The following SLC44A5 variants were observed in gnomAD, a reference collection of about 807,000 sequenced individuals.
SLC44A5 encodes the protein choline transporter-like protein 5.
SLC44A5 carries 57 observed loss-of-function variants against 101.8 expected under a neutral mutation model. That is an observed-to-expected ratio of 0.56 (90% CI 0.45 to 0.70). The LOEUF (loss-of-function observed/expected upper bound fraction) is 0.70, where lower values mean the gene tolerates loss of function less well. SLC44A5 is among the 30% of genes least tolerant of loss of function. SLC44A5 has a pLI of 0.00. For missense variants in SLC44A5, 737 were observed against 853.1 expected, an observed-to-expected ratio of 0.86 and a Z score of 1.70; for synonymous variants, 281 against 290.9, an observed-to-expected ratio of 0.97 and a Z score of 0.35.
At chr1:75,607,814 C>A (rs1014608236) in intron 1 of SLC44A5, among the ~76,000 whole-genome samples, 3 of 151,974 alleles carry the variant, frequency 2.0e-5, no homozygotes, top group Admixed American at 6.6e-5. Context: ...GAGGCCTCAC[C>A]AGCCATGTGG....
chr1:75,266,861 C>T (rs1651035039), intron 6 of SLC44A5, among the ~76,000 whole-genome samples: 3 of 152,118 alleles, frequency 2.0e-5, no homozygotes, highest in Admixed American at 2.0e-4. Flanking sequence ...CAATTAATAA[C>T]CAGGATAAAT....
rs1352032678 is a variant in SLC44A5 at position 75,483,310 on chromosome 1, C to T, written c.13+58125G>A. ...AAAAATCCAGATATCATTTTTATTA[C>T]TGGTGTTATTAAAATCAAAGTTCTA... On this transcript the variant is annotated intron_variant, in intron 2 of 23. Coordinates refer to ENST00000370859, the MANE Select transcript of SLC44A5 (RefSeq NM_001130058.2). Among the ~76,000 whole-genome samples the T allele has an allele frequency of 5.9e-5, 9 of 152,108 alleles. No homozygotes were observed. The East Asian group carries it at 7.7e-4, about 13-fold the overall frequency.
At chr1:75,307,772 G>A (rs1051518966) in intron 4 of SLC44A5, among the ~76,000 whole-genome samples, 3 of 152,068 alleles carry the variant, frequency 2.0e-5, no homozygotes, top group Non-Finnish European at 2.9e-5. Flanking sequence ...CCAATCCACA[G>A]CTTGAGGTTA....
At chr1:75,622,670 T>A in the SLC44A5 span, among the ~76,000 whole-genome samples, 1 of 152,100 alleles carries the variant, frequency 6.6e-6, no homozygotes, top group Non-Finnish European at 1.5e-5. Context: ...TAGAGATAGT[T>A]GTGTATAATC....
the SLC44A5 span, among the ~76,000 whole-genome samples, chr1:75,650,277 C>T: frequency 6.6e-6 from 1 of 152,144 alleles, no homozygotes; most frequent in Non-Finnish European, 1.5e-5. Context: ...CATGCACATG[C>T]AGCGTGTTGT....
intron 2 of SLC44A5, among the ~76,000 whole-genome samples, chr1:75,482,419 A>G (rs1044340245): frequency 1.3e-5 from 2 of 152,046 alleles, no homozygotes; most frequent in African/African-American, 4.8e-5. Context: ...TTAAAGTATA[A>G]TAATAATAAA....
At chr1:75,602,888 A>G (rs899334530) in intron 1 of SLC44A5, among the ~76,000 whole-genome samples, 1 of 152,148 alleles carries the variant, frequency 6.6e-6, no homozygotes, top group Non-Finnish European at 1.5e-5. Context: ...AGCTTAAAAT[A>G]AGTTTTGACT....
chr1:75,660,687 G>A, the SLC44A5 span, among the ~76,000 whole-genome samples: 2 of 152,082 alleles, frequency 1.3e-5, no homozygotes, highest in African/African-American at 4.8e-5. Context: ...ATCTGAAAAA[G>A]TAATCAAGAA....
chr1:75,292,453 C>G (rs596515), intron 5 of SLC44A5, among the ~76,000 whole-genome samples: 1 of 152,108 alleles, frequency 6.6e-6, no homozygotes, highest in South Asian at 2.1e-4. Flanking sequence ...ATATTGCCTA[C>G]AATAATTTTA....
At chr1:75,274,527 G>T (rs2100745717) in intron 6 of SLC44A5, among the ~76,000 whole-genome samples, 1 of 152,156 alleles carries the variant, frequency 6.6e-6, no homozygotes, top group African/African-American at 2.4e-5. Flanking sequence ...AGACCTTCTG[G>T]GTGTGCCCCT....
chr1:75,627,615 C>T, the SLC44A5 span, among the ~76,000 whole-genome samples: 8 of 151,626 alleles, frequency 5.3e-5, no homozygotes, highest in African/African-American at 1.9e-4. Context: ...ACCAGGAGTA[C>T]GAAGCTAGAG....
At chr1:75,549,814 GAAAA>G (rs1203497718) in intron 1 of SLC44A5, among the ~76,000 whole-genome samples, 1 of 152,080 alleles carries the variant, frequency 6.6e-6, no homozygotes, top group Non-Finnish European at 1.5e-5. Flanking sequence ...CGAAGCAGTG[GAAAA>G]AGTATTTCAG....
At chr1:75,279,867 T>G (rs1652256945) in intron 5 of SLC44A5, among the ~76,000 whole-genome samples, 1 of 151,972 alleles carries the variant, frequency 6.6e-6, no homozygotes, top group Admixed American at 6.6e-5. Context: ...GCAGTGTACA[T>G]TCTACCCAAT....
At chr1:75,376,192 A>C (rs2101208786) in intron 3 of SLC44A5, among the ~76,000 whole-genome samples, 1 of 152,370 alleles carries the variant, frequency 6.6e-6, no homozygotes, top group Non-Finnish European at 1.5e-5. Context: ...TCCTACGCCC[A>C]TGGAGTCTCG....
At chr1:75,627,616 G>A in the SLC44A5 span, among the ~76,000 whole-genome samples, 957 of 151,962 alleles carry the variant, frequency 6.3e-3, 4 homozygotes, top group African/African-American at 0.022. Context: ...CCAGGAGTAC[G>A]AAGCTAGAGT....
chr1:75,555,712 A>G (rs765557818), intron 1 of SLC44A5, among the ~76,000 whole-genome samples: 19 of 152,196 alleles, frequency 1.2e-4, no homozygotes, highest in Middle Eastern at 6.8e-3. Flanking sequence ...TGCAGAATAT[A>G]TGAAAACAAC....
chr1:75,623,649 T>G, the SLC44A5 span, among the ~76,000 whole-genome samples: 6 of 152,206 alleles, frequency 3.9e-5, no homozygotes, highest in East Asian at 9.6e-4. Context: ...CTGAATGAGA[T>G]GAACTGAAGG....
the SLC44A5 span, among the ~76,000 whole-genome samples, chr1:75,622,826 T>C: frequency 3.9e-5 from 6 of 152,302 alleles, no homozygotes; most frequent in East Asian, 9.6e-4. Flanking sequence ...CAAAGTGTTC[T>C]TAAGTTGTCC....
intron 1 of SLC44A5, among the ~76,000 whole-genome samples, chr1:75,546,703 G>A (rs1182473207): frequency 2.0e-5 from 3 of 151,876 alleles, no homozygotes; most frequent in African/African-American, 4.8e-5. Flanking sequence ...AACTAAAATC[G>A]AAGACTAGCT....
Sources: allele counts gnomAD v4.1 joint callset (sites outside exome capture counted in the v4.1 genomes callset), GRCh38; gene constraint gnomAD v4.1.1; transcripts MANE v1.5; gene names NCBI Gene and HGNC (gene_info 2026-07-23, HGNC 2026-07-21).